Variants in TTC6 observed in about 807,000 individuals in gnomAD.
TTC6 encodes tetratricopeptide repeat protein 6.
TTC6 carries 172 observed loss-of-function variants against 210.4 expected under a neutral mutation model. That is an observed-to-expected ratio of 0.82 (90% CI 0.72 to 0.93). The LOEUF is 0.93. Ranked by LOEUF, TTC6 falls within the 40% of genes least tolerant of loss-of-function variation. The pLI is 0.00. For missense variants in TTC6, 2,414 were observed against 2,318.1 expected (o/e 1.04, Z -0.85); for synonymous variants, 804 against 819.6 (o/e 0.98, Z 0.32).
chr14:37,618,157 A>G (rs573987453), upstream of TTC6, among the ~76,000 whole-genome samples: 84 of 152,342 alleles, frequency 5.5e-4, no homozygotes, highest in African/African-American at 1.8e-3. Flanking sequence ...AACAGGAGAA[A>G]TAGACACAAC....
chr14:37,763,852 GTTTTC>G (rs1566938030), intron 14 of TTC6, among the ~76,000 whole-genome samples: 3 of 151,104 alleles, frequency 2.0e-5, no homozygotes, highest in African/African-American at 4.9e-5. Flanking sequence ...TTTAGGTTTA[GTTTTC>G]TTTTATTTTT....
At chr14:37,625,118 C>T (rs527562949) in intron 1 of TTC6, among the ~76,000 whole-genome samples, 11 of 152,192 alleles carry the variant, frequency 7.2e-5, no homozygotes, top group Non-Finnish European at 1.6e-4. Flanking sequence ...GACACCCCCA[C>T]CCCACAACAA....
chr14:37,687,324 G>A (rs543569191), intron 3 of TTC6, among the ~76,000 whole-genome samples: 5 of 152,238 alleles, frequency 3.3e-5, no homozygotes, highest in South Asian at 2.1e-4. Context: ...CTCAGTGTTC[G>A]GAGCTTGATT....
chr14:37,802,129 A>C, intron 20 of TTC6: 1 of 152,176 alleles, frequency 6.6e-6, no homozygotes, highest in Non-Finnish European at 1.5e-5. Context: ...TATCCTCAGC[A>C]AACTAATGCA....
At chr14:37,695,534 A>G (rs1312380892) in intron 3 of TTC6, among the ~76,000 whole-genome samples, 2 of 152,014 alleles carry the variant, frequency 1.3e-5, no homozygotes, top group Non-Finnish European at 2.9e-5. Context: ...TTGTAGTTTT[A>G]GTAGAGATGG....
At chr14:37,737,563 T>C in intron 8 of TTC6, 97 bp from the exon 11 acceptor site, 1 of 576,134 alleles carries the variant, frequency 1.7e-6, no homozygotes, top group Non-Finnish European at 2.8e-6. Context: ...TGAATTTCAT[T>C]AATTTACCTA....
chr14:37,735,921 A>G, exon 8 of TTC6: 2 of 1,517,242 alleles, frequency 1.3e-6, no homozygotes, highest in Non-Finnish European at 1.8e-6. Flanking sequence ...TTTATCACAG[A>G]GTGTTCAAGC....
intron 20 of TTC6, among the ~76,000 whole-genome samples, chr14:37,798,612 G>A (rs1301273810): frequency 1.3e-5 from 2 of 151,488 alleles, no homozygotes; most frequent in Admixed American, 6.6e-5. Flanking sequence ...TTGTCTAACT[G>A]TGCTGGCTAG....
At chr14:37,750,796 G>C (rs1298206221) in intron 12 of TTC6, among the ~76,000 whole-genome samples, 1 of 152,036 alleles carries the variant, frequency 6.6e-6, no homozygotes, top group Non-Finnish European at 1.5e-5. Flanking sequence ...AGGCTGATGT[G>C]GGAGGATTGC....
intron 14 of TTC6, among the ~76,000 whole-genome samples, chr14:37,776,671 C>G (rs987177642): frequency 2.6e-5 from 4 of 151,966 alleles, no homozygotes; most frequent in African/African-American, 9.7e-5. Flanking sequence ...GAGGTGATCA[C>G]CAGAGGTCAG....
At chr14:37,670,005 A>C (rs1405586166) in intron 1 of TTC6, among the ~76,000 whole-genome samples, 1 of 152,204 alleles carries the variant, frequency 6.6e-6, no homozygotes, top group Non-Finnish European at 1.5e-5. Context: ...TATGGAGAAG[A>C]GATGACTGAT....
At chr14:37,781,635 A>T (rs2096055048) in intron 14 of TTC6, among the ~76,000 whole-genome samples, 1 of 152,130 alleles carries the variant, frequency 6.6e-6, no homozygotes, top group Admixed American at 6.5e-5. Context: ...GTTTAATCAG[A>T]TCCCATTTGT....
At chr14:37,692,208 C>CAAAAAAAAAAAAAAAAAAAAAAAACAA (rs3062759) in intron 3 of TTC6, among the ~76,000 whole-genome samples, 1 of 40,154 alleles carries the variant, frequency 2.5e-5, no homozygotes, top group Non-Finnish European at 3.9e-5. Context: ...AAAGACACAC[C>CAAAAAAAAAAAAAAAAAAAAAAAACAA]AAAAAAAAAA....
chr14:37,841,533 A>G (rs764963654), exon 30 of TTC6: 2 of 1,603,194 alleles, frequency 1.2e-6, no homozygotes, highest in Non-Finnish European at 1.7e-6. Context: ...ACAATATTAA[A>G]GAAATATGAA....
At chr14:37,669,731 C>CT (rs768819491) in intron 1 of TTC6, among the ~76,000 whole-genome samples, 2 of 152,100 alleles carry the variant, frequency 1.3e-5, no homozygotes, top group African/African-American at 2.4e-5. Context: ...GATTATTTAT[C>CT]TTTTGCTTTT....
intron 7 of TTC6, among the ~76,000 whole-genome samples, chr14:37,732,690 C>T (rs1437851203): frequency 6.6e-6 from 1 of 151,628 alleles, no homozygotes; most frequent in Admixed American, 6.6e-5. Flanking sequence ...ACAATCTCGG[C>T]TCACTGCAAG....
At chr14:37,750,313 T>G (rs1156302750) in intron 12 of TTC6, among the ~76,000 whole-genome samples, 7 of 152,270 alleles carry the variant, frequency 4.6e-5, no homozygotes, top group African/African-American at 1.4e-4. Context: ...AATGTGATAT[T>G]CACCTTTGTA....
At chr14:37,691,239 A>C (rs2095803044) in intron 3 of TTC6, among the ~76,000 whole-genome samples, 1 of 152,164 alleles carries the variant, frequency 6.6e-6, no homozygotes, top group Admixed American at 6.5e-5. Flanking sequence ...CTGAGGCATG[A>C]GAATTGTTTG....
intron 1 of TTC6, among the ~76,000 whole-genome samples, chr14:37,663,943 A>AC (rs1555384819): frequency 6.7e-6 from 1 of 150,148 alleles, no homozygotes; most frequent in African/African-American, 2.4e-5. Context: ...TATAGCTAAT[A>AC]AGGGAAGTGA....
Sources: allele counts gnomAD v4.1 joint callset (sites outside exome capture counted in the v4.1 genomes callset), GRCh38; gene constraint gnomAD v4.1.1; transcripts MANE v1.5; gene names NCBI Gene and HGNC (gene_info 2026-07-23, HGNC 2026-07-21).